The following TP63 variants were observed in gnomAD, a reference collection of about 807,000 sequenced individuals.
TP63 encodes the protein tumor protein 63.
A neutral mutation model predicts 82.8 loss-of-function variants in TP63; 17 were observed. That is an observed-to-expected ratio of 0.21 (90% CI 0.14 to 0.31). TP63 has a LOEUF of 0.31. Ranked by LOEUF, TP63 falls within the 10% of genes least tolerant of loss-of-function variation. The pLI is 1.00. For missense variants in TP63, 648 were observed against 895.3 expected (o/e 0.72, Z 3.52); for synonymous variants, 330 against 321.7 (o/e 1.03, Z -0.28).
chr3:189,643,941 A>T (rs774491159), intron 1 of TP63, among the ~76,000 whole-genome samples: 6 of 152,126 alleles, frequency 3.9e-5, no homozygotes, highest in Non-Finnish European at 8.8e-5. Flanking sequence ...ATGACAATAC[A>T]CTGATCTTCA....
chr3:189,776,592 C>G (rs1050087612), intron 3 of TP63, among the ~76,000 whole-genome samples: 3 of 152,174 alleles, frequency 2.0e-5, no homozygotes, highest in Non-Finnish European at 2.9e-5. Flanking sequence ...GGGTTAGAGT[C>G]CTCCAAAGCT....
At chr3:189,828,778 ATCT>A (rs552642073) in intron 4 of TP63, among the ~76,000 whole-genome samples, 21 of 152,208 alleles carry the variant, frequency 1.4e-4, no homozygotes, top group Non-Finnish European at 2.6e-4. Context: ...ATTGAGCTAA[ATCT>A]TGATATCTTT....
chr3:189,699,421 T>C (rs1447558633), intron 1 of TP63, among the ~76,000 whole-genome samples: 1 of 152,186 alleles, frequency 6.6e-6, no homozygotes, highest in African/African-American at 2.4e-5. Flanking sequence ...CAATAAGAAA[T>C]TAAAAGTTTG....
intron 1 of TP63, among the ~76,000 whole-genome samples, chr3:189,730,395 A>G (rs1720074611): frequency 6.6e-6 from 1 of 152,162 alleles, no homozygotes; most frequent in South Asian, 2.1e-4. Context: ...TTTTGATGAG[A>G]CAGAATTAGT....
At chr3:189,718,082 AC>A (rs1265276581) in intron 1 of TP63, among the ~76,000 whole-genome samples, 2 of 152,204 alleles carry the variant, frequency 1.3e-5, no homozygotes, top group African/African-American at 2.4e-5. Context: ...AGGGTAACCT[AC>A]AAGGATATAT....
intron 1 of TP63, among the ~76,000 whole-genome samples, chr3:189,683,856 A>G (rs1716187004): frequency 6.6e-6 from 1 of 152,200 alleles, no homozygotes; most frequent in Non-Finnish European, 1.5e-5. Context: ...CCTGCTCTCA[A>G]AGTGTTAAAG....
intron 10 of TP63, among the ~76,000 whole-genome samples, chr3:189,878,385 C>A (rs1034560866): frequency 2.8e-5 from 3 of 107,698 alleles, no homozygotes; most frequent in African/African-American, 3.6e-5. Flanking sequence ...TTACAGTTTC[C>A]TTTTTTTTTT....
intron 4 of TP63, among the ~76,000 whole-genome samples, chr3:189,826,300 C>T (rs774939671): frequency 1.3e-5 from 2 of 152,134 alleles, no homozygotes; most frequent in African/African-American, 2.4e-5. Flanking sequence ...ATTTGATGAG[C>T]TTCTTGGAAA....
intron 4 of TP63, among the ~76,000 whole-genome samples, chr3:189,839,705 T>C (rs1039047978): frequency 1.3e-5 from 2 of 152,222 alleles, no homozygotes; most frequent in African/African-American, 4.8e-5. Context: ...GCAATCGTGA[T>C]AGCTGCTGTT....
chr3:189,785,559 A>T (rs1188704972), intron 3 of TP63, among the ~76,000 whole-genome samples: 2 of 152,090 alleles, frequency 1.3e-5, no homozygotes, highest in African/African-American at 4.8e-5. Context: ...AAAGAATCTA[A>T]AAGTATTTGA....
At chr3:189,861,373 G>A (rs533873662) in intron 4 of TP63, among the ~76,000 whole-genome samples, 1 of 151,452 alleles carries the variant, frequency 6.6e-6, no homozygotes, top group South Asian at 2.1e-4. Context: ...ATCCTATGGT[G>A]TGTTTGAAGC....
intron 1 of TP63, among the ~76,000 whole-genome samples, chr3:189,718,291 C>T (rs569757538): frequency 8.4e-6 from 1 of 119,622 alleles, no homozygotes; most frequent in South Asian, 3.5e-4. Context: ...TTTCACAGTG[C>T]TATAAAGGAC....
intron 1 of TP63, among the ~76,000 whole-genome samples, chr3:189,636,117 CA>C (rs1036021519): frequency 1.4e-4 from 21 of 151,552 alleles, no homozygotes; most frequent in South Asian, 2.1e-4. Flanking sequence ...CAGTTGTAAT[CA>C]AAAAAAAATT....
intron 3 of TP63, among the ~76,000 whole-genome samples, chr3:189,774,889 G>A (rs1196648159): frequency 1.3e-5 from 2 of 152,122 alleles, no homozygotes; most frequent in Admixed American, 6.6e-5. Context: ...TTAGGTACGC[G>A]GTTGGCCATT....
rs193243591 is a variant in TP63 at position 189,820,779 on chromosome 3, C to T, written c.579+12253C>T. ...CCAATTCAAATAGCATGTTAAAATTCAATCTATCTACAATCTTCACGTCCT... is the reference window on the plus strand; with the variant it reads ...CCAATTCAAATAGCATGTTAAAATTTAATCTATCTACAATCTTCACGTCCT... On this transcript the variant is annotated intron_variant, in intron 4 of 13. Coordinates refer to ENST00000264731, the MANE Select transcript of TP63 (RefSeq NM_003722.5). Among the ~76,000 whole-genome samples the T allele has an allele frequency of 2.0e-4, 31 of 152,306 alleles. No individual in the cohort carries two copies. The East Asian group carries it at 5.6e-3, about 27-fold the overall frequency.
chr3:189,803,296 C>G (rs1393263690), intron 3 of TP63, among the ~76,000 whole-genome samples: 1 of 151,940 alleles, frequency 6.6e-6, no homozygotes, highest in East Asian at 1.9e-4. Flanking sequence ...GAAACTCCAT[C>G]TCAAAGAAAA....
chr3:189,680,411 G>A (rs546996435), intron 1 of TP63, among the ~76,000 whole-genome samples: 6 of 152,036 alleles, frequency 3.9e-5, no homozygotes, highest in African/African-American at 1.4e-4. Flanking sequence ...AAATTGAAAA[G>A]GAGAGACCAC....
chr3:189,681,701 A>G (rs1330180301), intron 1 of TP63, among the ~76,000 whole-genome samples: 7 of 150,430 alleles, frequency 4.7e-5, no homozygotes, highest in African/African-American at 1.5e-4. Context: ...CTTTTTTTCT[A>G]CTCTCTCGCT....
the TP63 span, among the ~76,000 whole-genome samples, chr3:189,616,890 G>A: frequency 6.6e-6 from 1 of 152,182 alleles, no homozygotes; most frequent in Admixed American, 6.5e-5. Context: ...CTTAGCATAA[G>A]TTTCATGCTA....
Sources: gnomAD v4.1 joint callset for allele counts (sites outside exome capture counted in the v4.1 genomes callset) on GRCh38, gnomAD v4.1.1 for gene constraint, MANE v1.5 for transcripts, NCBI Gene and HGNC (gene_info 2026-07-23, HGNC 2026-07-21) for gene names.